ANKFN1: variants seen among roughly 807,000 people sequenced by gnomAD.
The protein encoded by ANKFN1 is ankyrin repeat and fibronectin type-III domain-containing protein 1.
A neutral mutation model predicts 108.7 loss-of-function variants in ANKFN1; 74 were observed. That is an observed-to-expected ratio of 0.68 (90% CI 0.56 to 0.83). ANKFN1 has a LOEUF of 0.83. Among genes scored for constraint, ANKFN1 ranks in the 40% least tolerant of loss-of-function variants. The pLI, the probability that ANKFN1 is intolerant of heterozygous loss-of-function variation, is 0.00. For synonymous variants in ANKFN1, 547 were observed against 516.2 expected (o/e 1.06, Z -0.81); for missense variants, 1,505 against 1,382.3 (o/e 1.09, Z -1.41).
intron 15 of ANKFN1, among the ~76,000 whole-genome samples, chr17:56,469,060 T>C (rs892655080): frequency 2.6e-5 from 4 of 152,128 alleles, no homozygotes; most frequent in Non-Finnish European, 5.9e-5. Flanking sequence ...CCTAGACTTA[T>C]TACATTAAAA....
At chr17:56,476,462 G>A (rs2050503420) in intron 15 of ANKFN1, among the ~76,000 whole-genome samples, 1 of 152,304 alleles carries the variant, frequency 6.6e-6, no homozygotes, top group South Asian at 2.1e-4. Context: ...TGAATCAACA[G>A]CTTTGTTCAG....
chr17:56,346,906 C>T lies in ANKFN1; in HGVS notation c.189-3860C>T, dbSNP rs1354685759. ...CTATAGTTTTGGTTCTGGAATTTGGCAGGCCCAAATGAAATTCTGATACTG... is the reference window on the plus strand; with the variant it reads ...CTATAGTTTTGGTTCTGGAATTTGGTAGGCCCAAATGAAATTCTGATACTG... On this transcript the variant is annotated intron_variant, in intron 4 of 20. Transcript: ENST00000682825. Among the ~76,000 whole-genome samples the T allele has an allele frequency of 4.0e-5, 6 of 151,898 alleles. No homozygotes were observed. In the South Asian group the frequency reaches 6.2e-4, roughly 16 times the overall value.
At chr17:56,493,032 A>ATGG (rs2051091132) in intron 19 of ANKFN1, among the ~76,000 whole-genome samples, 1 of 152,192 alleles carries the variant, frequency 6.6e-6, no homozygotes, top group Non-Finnish European at 1.5e-5. Context: ...CAAAATGAGT[A>ATGG]GAATAGCAAT....
intron 11 of ANKFN1, 72 bp downstream of exon 11, chr17:56,449,258 A>C: frequency 9.1e-7 from 1 of 1,102,244 alleles, no homozygotes; most frequent in Non-Finnish European, 1.3e-6. Flanking sequence ...CAGTTTCCTA[A>C]CTGGGTCATA....
chr17:56,134,160 G>T (rs1330246462), intron 4 of ANKFN1, among the ~76,000 whole-genome samples: 1 of 152,150 alleles, frequency 6.6e-6, no homozygotes, highest in East Asian at 1.9e-4. Context: ...ATATAATAAA[G>T]AATATAGATG....
chr17:56,294,644 G>A (rs2044457507), intron 3 of ANKFN1, among the ~76,000 whole-genome samples: 1 of 152,222 alleles, frequency 6.6e-6, no homozygotes. Context: ...AAGACACAAA[G>A]AATTGTTCAA....
chr17:56,084,953 G>A (rs1223028747), intron 4 of ANKFN1, among the ~76,000 whole-genome samples: 1 of 150,730 alleles, frequency 6.6e-6, no homozygotes, highest in Non-Finnish European at 1.5e-5. Context: ...TCAGACCCAG[G>A]GCAGACAATC....
At chr17:56,469,734 T>A (rs767095059) in intron 15 of ANKFN1, among the ~76,000 whole-genome samples, 20 of 152,168 alleles carry the variant, frequency 1.3e-4, no homozygotes, top group Admixed American at 2.6e-4. Flanking sequence ...CACAAAGTAG[T>A]GCTCAATAAA....
intron 3 of ANKFN1, among the ~76,000 whole-genome samples, chr17:56,268,786 C>T (rs1362581904): frequency 6.6e-6 from 1 of 152,042 alleles, no homozygotes; most frequent in East Asian, 1.9e-4. Flanking sequence ...CATGCTTTCC[C>T]TTTATTTTCA....
chr17:56,189,188 T>TTTTTTTTTTTTA (rs1598205572), intron 1 of ANKFN1, among the ~76,000 whole-genome samples: 2 of 138,164 alleles, frequency 1.4e-5, no homozygotes, highest in African/African-American at 2.9e-5. Flanking sequence ...TTTTTTTTTT[T>TTTTTTTTTTTTA]GAGACGGAGT....
chr17:56,082,997 C>A (rs556772655), intron 4 of ANKFN1, among the ~76,000 whole-genome samples: 2 of 151,390 alleles, frequency 1.3e-5, no homozygotes, highest in South Asian at 4.2e-4. Flanking sequence ...AGGAAATTTC[C>A]TGTTAAATTT....
At chr17:56,283,158 G>A (rs2044128975) in intron 3 of ANKFN1, among the ~76,000 whole-genome samples, 1 of 152,096 alleles carries the variant, frequency 6.6e-6, no homozygotes. Flanking sequence ...GTGTCCATGT[G>A]TACTCAGTGT....
intron 4 of ANKFN1, among the ~76,000 whole-genome samples, chr17:56,327,348 C>A (rs899407553): frequency 3.9e-5 from 6 of 152,098 alleles, no homozygotes; most frequent in Non-Finnish European, 8.8e-5. Flanking sequence ...AACTCAGAGT[C>A]CATATAAGTG....
chr17:56,187,774 C>G (rs189155481), intron 1 of ANKFN1, among the ~76,000 whole-genome samples: 188 of 152,214 alleles, frequency 1.2e-3, no homozygotes, highest in African/African-American at 4.1e-3. Context: ...GAGTTCATGT[C>G]CTTTATAGGG....
At chr17:56,443,201 GTTGT>G (rs747239107) in intron 10 of ANKFN1, among the ~76,000 whole-genome samples, 7 of 152,138 alleles carry the variant, frequency 4.6e-5, no homozygotes, top group Non-Finnish European at 8.8e-5. Context: ...GCCTTCAAAA[GTTGT>G]TTAACAGTCA....
intron 3 of ANKFN1, among the ~76,000 whole-genome samples, chr17:56,261,870 A>G (rs1208670430): frequency 6.6e-6 from 1 of 152,186 alleles, no homozygotes; most frequent in African/African-American, 2.4e-5. Context: ...AATACTTTGC[A>G]TCCTTCAATC....
At chr17:56,319,423 C>T (rs2144497935) in intron 3 of ANKFN1, among the ~76,000 whole-genome samples, 1 of 152,242 alleles carries the variant, frequency 6.6e-6, no homozygotes, top group Non-Finnish European at 1.5e-5. Context: ...AACCAGGGCA[C>T]AAAAATCATC....
chr17:56,510,720 C>T lies in ANKFN1; in HGVS notation c.2892C>T (p.His964=). ...AGGGCGAGGGCCCAAATCCCGATCA[C>T]TCATGTGCCGAGTTTCTCCATAGCC... The part of the protein sequence containing the change: ...DPQGEGPNPD[H]SCAEFLHSLT... The change falls in exon 21 of 21, where the codon CAC becomes CAT. Residue 964 remains histidine, a synonymous_variant. Coordinates refer to ENST00000682825, the MANE Select transcript of ANKFN1 (RefSeq NM_001370326.1). The T allele has an allele frequency of 1.3e-6, 2 of 1,536,174 alleles. No homozygotes were observed. Among genetic ancestry groups the T allele is most frequent in the Non-Finnish European group, 1.7e-6 (2 of 1,146,914 alleles).
At chr17:56,341,365 A>T (rs2215757) in intron 4 of ANKFN1, among the ~76,000 whole-genome samples, 2 of 151,868 alleles carry the variant, frequency 1.3e-5, no homozygotes, top group Non-Finnish European at 2.9e-5. Context: ...GTGGGAGAGG[A>T]CATCCTTGTT....
Sources: allele counts gnomAD v4.1 joint callset (sites outside exome capture counted in the v4.1 genomes callset), GRCh38; gene constraint gnomAD v4.1.1; transcripts MANE v1.5; gene names NCBI Gene and HGNC (gene_info 2026-07-23, HGNC 2026-07-21).